DOCK4: variants seen among roughly 807,000 people sequenced by gnomAD.
DOCK4 encodes the protein dedicator of cytokinesis protein 4.
DOCK4 carries 97 observed loss-of-function variants against 268.1 expected under a neutral mutation model. That is an observed-to-expected ratio of 0.36 (90% CI 0.31 to 0.43). The LOEUF is 0.43. Ranked by LOEUF, DOCK4 falls within the 20% of genes least tolerant of loss-of-function variation. The pLI, the probability that DOCK4 is intolerant of heterozygous loss-of-function variation, is 1.00. For missense variants in DOCK4, 2,145 were observed against 2,455.7 expected, an observed-to-expected ratio of 0.87 and a Z score of 2.67; for synonymous variants, 954 against 887.2, an observed-to-expected ratio of 1.08 and a Z score of -1.34.
At chr7:111,754,305 T>G (rs906854340) in intron 42 of DOCK4, among the ~76,000 whole-genome samples, 2 of 152,216 alleles carry the variant, frequency 1.3e-5, no homozygotes, top group African/African-American at 4.8e-5. Flanking sequence ...TTTTAACTTT[T>G]AAATCCTTAG....
At chr7:111,918,128 A>G (rs1044878220) in intron 12 of DOCK4, among the ~76,000 whole-genome samples, 14 of 152,320 alleles carry the variant, frequency 9.2e-5, no homozygotes, top group Admixed American at 7.2e-4. Flanking sequence ...GCTCAGAGAG[A>G]AACTGGAGCC....
Position 112,134,035 on chromosome 7 carries a change from A to G in DOCK4, c.37+72067T>C, listed in dbSNP as rs927434936. On this transcript the variant is annotated intron_variant, in intron 1 of 52. Coordinates refer to ENST00000428084, the MANE Select transcript of DOCK4 (RefSeq NM_001363540.2). ...TATTTGGTAAAACTTGTGCCATGGT[A>G]GGAGGCCAGAATGATGTCAATTTGA... is the stretch of plus-strand genomic sequence containing the variant. 3.9e-5 allele frequency among the ~76,000 whole-genome samples: 6 copies of G among 152,316 alleles called. No individual in the cohort carries two copies. In the East Asian group the frequency reaches 1.2e-3, roughly 29 times the overall value.
intron 1 of DOCK4, among the ~76,000 whole-genome samples, chr7:112,135,474 A>T (rs1256699258): frequency 6.6e-6 from 1 of 152,160 alleles, no homozygotes; most frequent in Non-Finnish European, 1.5e-5. Flanking sequence ...TTATTCCAAT[A>T]CCCAATTATA....
intron 8 of DOCK4, among the ~76,000 whole-genome samples, chr7:111,962,025 A>G (rs1007701153): frequency 3.9e-4 from 60 of 152,168 alleles, no homozygotes; most frequent in Admixed American, 2.0e-4. Flanking sequence ...GGAATTCATA[A>G]CCAAGAAATT....
intron 1 of DOCK4, among the ~76,000 whole-genome samples, chr7:112,085,470 C>T (rs749144583): frequency 6.6e-6 from 1 of 151,992 alleles, no homozygotes; most frequent in Non-Finnish European, 1.5e-5. Context: ...TTCATTACTG[C>T]CGGTTGCCAG....
chr7:111,940,095 G>T lies in DOCK4; in HGVS notation c.977+15C>A, dbSNP rs73428871. The T allele has an allele frequency of 3.1e-3, 4,985 of 1,613,762 alleles. 140 individuals carry two copies. In the African/African-American group the frequency reaches 0.057, roughly 18 times the overall value. ...CTGTGCCTACCCCAGCCATCACCAC[G>T]TGCATGTTTCTTACATGTATACTTT... On this transcript the variant is annotated intron_variant, in intron 11 of 52. Transcript: ENST00000428084.
At chr7:111,888,921 C>T (rs1158035837) in intron 16 of DOCK4, among the ~76,000 whole-genome samples, 1 of 152,074 alleles carries the variant, frequency 6.6e-6, no homozygotes, top group East Asian at 1.9e-4. Flanking sequence ...ACACTAGACA[C>T]CTGGCTTAGG....
intron 1 of DOCK4, among the ~76,000 whole-genome samples, chr7:112,073,668 C>T (rs1807805686): frequency 1.3e-5 from 2 of 152,160 alleles, no homozygotes; most frequent in Admixed American, 1.3e-4. Context: ...AAGATAAACA[C>T]CACATGATCT....
chr7:111,913,656 A>G (rs1024625196), intron 13 of DOCK4, among the ~76,000 whole-genome samples: 13 of 147,946 alleles, frequency 8.8e-5, no homozygotes, highest in East Asian at 6.0e-4. Context: ...TGATCCGCCC[A>G]CCTCGGCCTC....
In DOCK4 at chr7:111,786,376, G is replaced by A. The variant is rs558129242; in HGVS notation, c.3402-2253C>T. ...AAGCGGAATGAGCGAATCAGGTGGA[G>A]CCAGGGGAAGCAGAATTTAGTTGTG... On this transcript the variant is annotated intron_variant, in intron 32 of 52. Coordinates refer to ENST00000428084, the MANE Select transcript of DOCK4 (RefSeq NM_001363540.2). 2.2e-4 allele frequency among the ~76,000 whole-genome samples: 34 copies of A among 152,104 alleles called. No homozygotes were observed. The South Asian group carries it at 6.6e-3, about 30-fold the overall frequency.
chr7:112,066,057 T>A (rs1372229092), intron 1 of DOCK4, among the ~76,000 whole-genome samples: 1 of 152,086 alleles, frequency 6.6e-6, no homozygotes, highest in Non-Finnish European at 1.5e-5. Context: ...ATGGCTAATT[T>A]TAGGTATCAA....
At chr7:112,171,250 A>G (rs1818054940) in intron 1 of DOCK4, among the ~76,000 whole-genome samples, 1 of 152,208 alleles carries the variant, frequency 6.6e-6, no homozygotes, top group South Asian at 2.1e-4. Flanking sequence ...AAAATAATTA[A>G]CCTATTTTCC....
At chr7:111,953,208 T>TA (rs11419651) in intron 8 of DOCK4, among the ~76,000 whole-genome samples, 63,139 of 145,714 alleles carry the variant, frequency 0.43, 16,909 homozygotes, top group African/African-American at 0.78. Flanking sequence ...GACCTTGTCT[T>TA]AAAAAAAAAA....
At chr7:111,801,698 T>G (rs1207019956) in intron 30 of DOCK4, 1 of 123,998 alleles carries the variant, frequency 8.1e-6, no homozygotes, top group South Asian at 2.3e-4. Context: ...TTTTTTTTTT[T>G]TTTTTTTTTG....
chr7:111,748,728 C>T (rs1049366338), intron 42 of DOCK4, among the ~76,000 whole-genome samples: 1 of 151,670 alleles, frequency 6.6e-6, no homozygotes, highest in Non-Finnish European at 1.5e-5. Context: ...GTGTGTATAT[C>T]GATTCAGAAA....
chr7:111,756,531 A>T (rs1478131634), intron 41 of DOCK4, among the ~76,000 whole-genome samples: 8 of 111,718 alleles, frequency 7.2e-5, no homozygotes, highest in Non-Finnish European at 1.2e-4. Context: ...TAATAGAGGC[A>T]AATCTGTATT....
chr7:111,765,943 C>A (rs996071610), intron 38 of DOCK4, among the ~76,000 whole-genome samples: 1 of 152,110 alleles, frequency 6.6e-6, no homozygotes, highest in African/African-American at 2.4e-5. Context: ...AGTAACAGCA[C>A]CCCAAAGAGC....
At chr7:112,199,326 T>C (rs1820725485) in intron 1 of DOCK4, among the ~76,000 whole-genome samples, 1 of 152,226 alleles carries the variant, frequency 6.6e-6, no homozygotes, top group Non-Finnish European at 1.5e-5. Context: ...TGCTATTTTA[T>C]ATTGCAGTTT....
Position 111,939,110 on chromosome 7 carries a change from C to T in DOCK4, c.977+1000G>A, listed in dbSNP as rs991903591. On this transcript the variant is annotated intron_variant, in intron 11 of 52. Transcript: ENST00000428084. Reference sequence around the variant, plus strand: ...CCCCCAGTGACTGCCAGCAAAGCACCGGAGGCCAGGAGAGAGGCACGGAGC... The same window carrying T: ...CCCCCAGTGACTGCCAGCAAAGCACTGGAGGCCAGGAGAGAGGCACGGAGC... 1.3e-5 allele frequency among the ~76,000 whole-genome samples: 2 copies of T among 152,150 alleles called. 1 individual carries two copies. Among genetic ancestry groups the T allele is most frequent in the South Asian group, 4.2e-4 (2 of 4,812 alleles).
Sources: allele counts gnomAD v4.1 joint callset (sites outside exome capture counted in the v4.1 genomes callset), GRCh38; gene constraint gnomAD v4.1.1; transcripts MANE v1.5; gene names NCBI Gene and HGNC (gene_info 2026-07-23, HGNC 2026-07-21).